Variants in TCTN1 observed in about 807,000 individuals in gnomAD.
TCTN1 encodes tectonic family member 1.
A neutral mutation model predicts 65.8 loss-of-function variants in TCTN1; 58 were observed. The ratio of observed to expected loss-of-function variants is 0.88; its 90% CI spans 0.71 to 1.10. The LOEUF (loss-of-function observed/expected upper bound fraction) is 1.10, where lower values mean the gene tolerates loss of function less well. TCTN1 is among the 50% of genes least tolerant of loss of function. The pLI is 0.00. For synonymous variants in TCTN1, 273 were observed against 289.1 expected, an observed-to-expected ratio of 0.94 and a Z score of 0.57; for missense variants, 645 against 719.4, an observed-to-expected ratio of 0.90 and a Z score of 1.18.
chr12:110,615,803 C>A (rs2064997339), intron 1 of TCTN1, among the ~76,000 whole-genome samples: 1 of 152,222 alleles, frequency 6.6e-6, no homozygotes, highest in Admixed American at 6.5e-5. Context: ...TTAAGAAGAT[C>A]TTTTCTCAAA....
intron 5 of TCTN1, among the ~76,000 whole-genome samples, chr12:110,634,076 A>G (rs2066400221): frequency 1.3e-5 from 2 of 152,218 alleles, no homozygotes; most frequent in African/African-American, 4.8e-5. Context: ...AGACAGGCCA[A>G]TCTCCAAGAT....
Position 110,649,047 on chromosome 12 carries a change from C to T in TCTN1, c.*6C>T, listed in dbSNP as rs1247284869. ...GCTTCTTTTTCTTTCTTTCAGAATG[C>T]TCAGATGCATCAGTTCCTTAATATA... On this transcript the variant is annotated 3_prime_UTR_variant, in exon 15 of 15. Coordinates refer to ENST00000397659, the MANE Select transcript of TCTN1 (RefSeq NM_001082538.3). 3 of 519,584 alleles carry T rather than the reference C, an allele frequency of 5.8e-6. No homozygotes were observed. In the East Asian group the frequency reaches 1.5e-4, roughly 26 times the overall value. 32.2% of individuals were successfully genotyped at this position (519,584 alleles called of 1,614,324 possible). A position where few individuals can be genotyped will look rare whatever the true frequency, so the allele number is the denominator to read the frequency against.
intron 12 of TCTN1, chr12:110,646,753 C>A: frequency 4.5e-6 from 1 of 219,962 alleles, no homozygotes; most frequent in African/African-American, 2.4e-5. Context: ...AAAGAAAGCA[C>A]TTAAATTTCC....
intron 2 of TCTN1, among the ~76,000 whole-genome samples, chr12:110,623,315 G>C (rs2065583381): frequency 6.6e-6 from 1 of 152,118 alleles, no homozygotes; most frequent in Non-Finnish European, 1.5e-5. Context: ...TCTTGCACTT[G>C]GATTTGCTTC....
At chr12:110,617,019 T>A (rs1250693072) in intron 1 of TCTN1, 1 of 152,200 alleles carries the variant, frequency 6.6e-6, no homozygotes, top group Non-Finnish European at 1.5e-5. Context: ...GAAACCTTTT[T>A]CCTAAGTGGA....
chr12:110,617,710 G>A (rs567813098), intron 1 of TCTN1, among the ~76,000 whole-genome samples: 1 of 147,942 alleles, frequency 6.8e-6, no homozygotes, highest in Admixed American at 6.8e-5. Context: ...GCACGATATC[G>A]GCTCACTGCA....
intron 1 of TCTN1, 157 bp downstream of exon 1, chr12:110,614,559 C>T (rs2064904394): frequency 2.1e-6 from 3 of 1,425,210 alleles, no homozygotes; most frequent in African/African-American, 1.4e-5. Flanking sequence ...TAAACAATAA[C>T]CCTGAGAAGT....
intron 4 of TCTN1, among the ~76,000 whole-genome samples, chr12:110,632,009 T>G (rs185266250): frequency 1.5e-4 from 23 of 152,356 alleles, no homozygotes; most frequent in African/African-American, 5.5e-4. Flanking sequence ...ATCTGGGTTT[T>G]GAAGATTGGA....
intron 10 of TCTN1, 165 bp from the exon 11 acceptor site, chr12:110,642,084 A>G: frequency 1.2e-6 from 1 of 826,664 alleles, no homozygotes; most frequent in African/African-American, 1.7e-5. Flanking sequence ...ATTAAGGAAA[A>G]TAGAACTGTT....
intron 12 of TCTN1, 130 bp from the exon 13 acceptor site, chr12:110,647,066 C>T (rs1233030661): frequency 1.8e-6 from 2 of 1,114,036 alleles, no homozygotes; most frequent in Admixed American, 2.2e-5. Flanking sequence ...CTGTTTTTAT[C>T]TGAACTTGTA....
Position 110,642,311 on chromosome 12 carries a change from A to G in TCTN1, c.1253A>G (p.Glu418Gly), listed in dbSNP as rs765808179. ...CTTACTATTCTTCATAGCACAACTG[A>G]GCAAGACTGCTTAGCACTGGAGGGG... ...GQLTILHSTT[E>G]QDCLALEGVR... Residue 418 changes from glutamate (E) to glycine (G), a missense_variant, in exon 11 of 15, where the codon GAG becomes GGG. By Grantham distance (98) the Glu-to-Gly change is moderately conservative. Coordinates refer to ENST00000397659, the MANE Select transcript of TCTN1 (RefSeq NM_001082538.3). 2 of 1,614,214 alleles carry G rather than the reference A, an allele frequency of 1.2e-6. No individual in the cohort carries two copies. Among genetic ancestry groups the G allele is most frequent in the Non-Finnish European group, 1.7e-6 (2 of 1,180,040 alleles).
rs759824185 is a variant in TCTN1 at position 110,647,197 on chromosome 12, A to G, written c.1496A>G (p.His499Arg). 1 of 1,614,212 alleles carries G rather than the reference A, an allele frequency of 6.2e-7. No individual in the cohort carries two copies. The highest frequency in any genetic ancestry group is 1.1e-5 in the South Asian group (1 of 91,088). ...TGTAAGATTCTAATGGATTAACAGC[A>G]TTTTGTTTTGCAGGATTCCTGCCAG... ...HFITQSFNRK[H>R]FVLQDSCQLP... The change falls in exon 13 of 15, where the codon CAT becomes CGT. Residue 499 changes from histidine to arginine, a missense_variant and splice_region_variant. Transcript: ENST00000397659.
At position 110,641,607 on chromosome 12, in the gene TCTN1, T is replaced by A. The variant is rs903743304; in HGVS notation, c.1170T>A (p.Ala390=). Residue 390 remains alanine (A), a synonymous_variant, in exon 10 of 15, where the codon GCT becomes GCA. Transcript: ENST00000397659. ...PGYVVGLPLA[A]GFQPHKGSGI... ...ATGTCGTGGGGCTCCCATTAGCTGC[T>A]GGATTCCAGCCTCATAAGGGATATC... 1.2e-6 allele frequency: 2 copies of A among 1,614,262 alleles called. No individual in the cohort carries two copies. Among genetic ancestry groups the A allele is most frequent in the East Asian group, 2.2e-5 (1 of 44,892 alleles).
Position 110,614,417 on chromosome 12 carries a change from C to G in TCTN1, c.220+15C>G. On this transcript the variant is annotated intron_variant, in intron 1 of 14. Transcript: ENST00000397659. The stretch of plus-strand genomic sequence containing the variant: ...AGTCACGGACGGTGGGTACCATGTG[C>G]CAGCTCCTGGAGTCCACAGTGATCC... 1 of 1,582,714 alleles carries G rather than the reference C, an allele frequency of 6.3e-7. No homozygotes were observed.
At chr12:110,642,823 C>G (rs1485802036) in intron 11 of TCTN1, among the ~76,000 whole-genome samples, 8 of 151,662 alleles carry the variant, frequency 5.3e-5, no homozygotes. Context: ...GTGGTATAAT[C>G]TCAACTCACT....
rs2067671941 is a variant in TCTN1 at position 110,649,388 on chromosome 12, T to A, written c.*347T>A. 2 of 1,595,980 alleles carry A rather than the reference T, an allele frequency of 1.3e-6. No homozygotes were observed. Among genetic ancestry groups the A allele is most frequent in the Non-Finnish European group, 8.6e-7 (1 of 1,166,004 alleles). On this transcript the variant is annotated 3_prime_UTR_variant, in exon 15 of 15. Coordinates refer to ENST00000397659, the MANE Select transcript of TCTN1 (RefSeq NM_001082538.3). ...CAGGCCCATGAGACAGTGTCTTCTTTTTGAGGGGAGCTGGTCCGGGTCTAG... is the reference window on the plus strand; with the variant it reads ...CAGGCCCATGAGACAGTGTCTTCTTATTGAGGGGAGCTGGTCCGGGTCTAG...
At chr12:110,629,643 G>A (rs1292490990) in intron 4 of TCTN1, 1 of 152,214 alleles carries the variant, frequency 6.6e-6, no homozygotes, top group Non-Finnish European at 1.5e-5. Context: ...ACACTGTTGG[G>A]TGGGAGTGTA....
At chr12:110,634,380 A>C in intron 5 of TCTN1, 1 of 477,650 alleles carries the variant, frequency 2.1e-6, no homozygotes, top group Non-Finnish European at 4.1e-6. Flanking sequence ...TTGAAAAATA[A>C]TTTAAAACAT....
At chr12:110,645,239 G>T in intron 12 of TCTN1, 110 bp downstream of exon 12, 1 of 1,427,454 alleles carries the variant, frequency 7.0e-7, no homozygotes. Context: ...GCCCTGAGTG[G>T]GAGCGCGGGC....
Sources: gnomAD v4.1 joint callset for allele counts (sites outside exome capture counted in the v4.1 genomes callset) on GRCh38, gnomAD v4.1.1 for gene constraint, MANE v1.5 for transcripts, NCBI Gene and HGNC (gene_info 2026-07-23, HGNC 2026-07-21) for gene names.